The following GPHN variants were observed in gnomAD, a reference collection of about 807,000 sequenced individuals.
The protein encoded by GPHN is gephyrin.
In GPHN, 17 loss-of-function variants were observed where a neutral mutation model predicts 95.5. That is an observed-to-expected ratio of 0.18 (90% CI 0.12 to 0.27). GPHN has a LOEUF of 0.27. GPHN is among the 10% of genes least tolerant of loss of function. The pLI is 1.00. For synonymous variants in GPHN, 320 were observed against 322.5 expected (o/e 0.99, Z 0.08); for missense variants, 660 against 978.1 (o/e 0.67, Z 4.34).
chr14:67,170,478 G>A (rs1232636899), intron 21 of GPHN, among the ~76,000 whole-genome samples: 1 of 152,012 alleles, frequency 6.6e-6, no homozygotes, highest in Admixed American at 6.6e-5. Context: ...GAGAAAGAAG[G>A]CTTCCCTTTG....
chr14:67,545,309 TG>T, the GPHN span, among the ~76,000 whole-genome samples: 1 of 152,292 alleles, frequency 6.6e-6, no homozygotes, highest in South Asian at 2.1e-4. Context: ...CAAACAGAAA[TG>T]TAGTCTTTAT....
chr14:67,647,758 A>G, the GPHN span: 2 of 314,770 alleles, frequency 6.4e-6, no homozygotes, highest in South Asian at 6.2e-5. Context: ...AGTTATTAGT[A>G]TAAGAGGTTC....
the GPHN span, chr14:67,360,478 T>C: frequency 2.8e-6 from 1 of 354,440 alleles, no homozygotes; most frequent in Non-Finnish European, 5.0e-6. Context: ...CAAGCTCGGT[T>C]TCTCCAGGAA....
At chr14:67,645,172 G>C in the GPHN span, among the ~76,000 whole-genome samples, 1 of 151,616 alleles carries the variant, frequency 6.6e-6, no homozygotes, top group African/African-American at 2.4e-5. Flanking sequence ...CATTTACCTA[G>C]ATTTCTTTTT....
At chr14:67,372,215 C>G in the GPHN span, among the ~76,000 whole-genome samples, 1 of 152,102 alleles carries the variant, frequency 6.6e-6, no homozygotes, top group Non-Finnish European at 1.5e-5. Flanking sequence ...AAAAAATTAT[C>G]TTTTTAACAA....
the GPHN span, among the ~76,000 whole-genome samples, chr14:67,412,400 G>C: frequency 2.0e-5 from 3 of 152,196 alleles, no homozygotes; most frequent in Non-Finnish European, 4.4e-5. Context: ...GTGCTTCCCG[G>C]GCACTTAGCG....
At chr14:66,991,978 T>G (rs2071458760) in intron 9 of GPHN, among the ~76,000 whole-genome samples, 1 of 152,022 alleles carries the variant, frequency 6.6e-6, no homozygotes, top group Non-Finnish European at 1.5e-5. Flanking sequence ...AGAATTTGAT[T>G]AGTTGACGAG....
At chr14:67,212,171 A>G in the GPHN span, among the ~76,000 whole-genome samples, 4 of 152,348 alleles carry the variant, frequency 2.6e-5, no homozygotes, top group Non-Finnish European at 4.4e-5. Flanking sequence ...GGTTCTGAGA[A>G]GCATAGTGAT....
At chr14:67,546,216 G>A in the GPHN span, among the ~76,000 whole-genome samples, 4 of 152,284 alleles carry the variant, frequency 2.6e-5, no homozygotes, top group African/African-American at 9.6e-5. Flanking sequence ...GGTAAAATTG[G>A]AGAGAATTAT....
At chr14:67,394,565 TAGG>T in the GPHN span, among the ~76,000 whole-genome samples, 2 of 151,910 alleles carry the variant, frequency 1.3e-5, no homozygotes, top group Non-Finnish European at 2.9e-5. Flanking sequence ...CCTAGACCCA[TAGG>T]AGGTGTACAG....
the GPHN span, among the ~76,000 whole-genome samples, chr14:67,352,368 G>C: frequency 6.6e-6 from 1 of 151,628 alleles, no homozygotes; most frequent in Non-Finnish European, 1.5e-5. Context: ...CTACTCGAGA[G>C]GCTGAGGTGG....
intron 1 of GPHN, among the ~76,000 whole-genome samples, chr14:66,533,743 C>T (rs868685756): frequency 7.2e-5 from 11 of 152,298 alleles, no homozygotes; most frequent in Non-Finnish European, 1.2e-4. Flanking sequence ...TGGCAGCATG[C>T]AGTTGTCTGA....
the GPHN span, chr14:67,589,277 C>CTT: frequency 9.6e-3 from 8,544 of 888,120 alleles, 44 homozygotes; most frequent in Non-Finnish European, 0.011. Flanking sequence ...GTTTATTAAT[C>CTT]TTATACAGAA....
chr14:67,071,757 A>G (rs1470931239), intron 11 of GPHN, among the ~76,000 whole-genome samples: 2 of 152,042 alleles, frequency 1.3e-5, no homozygotes, highest in Non-Finnish European at 2.9e-5. Flanking sequence ...ATACCATTAT[A>G]TATGTTCCTA....
the GPHN span, among the ~76,000 whole-genome samples, chr14:67,347,085 G>A: frequency 1.3e-5 from 2 of 152,092 alleles, no homozygotes; most frequent in Admixed American, 1.3e-4. Context: ...CCCAGCTCAA[G>A]CAATCCTCCC....
chr14:67,006,889 T>C (rs1253301399), intron 9 of GPHN, among the ~76,000 whole-genome samples: 1 of 152,194 alleles, frequency 6.6e-6, no homozygotes, highest in East Asian at 1.9e-4. Context: ...TGAAATACTT[T>C]TGGTCAAATT....
chr14:67,712,577 C>T, the GPHN span, among the ~76,000 whole-genome samples: 3 of 133,130 alleles, frequency 2.3e-5, no homozygotes, highest in Non-Finnish European at 4.9e-5. Context: ...TAAATACAAA[C>T]ACACCTTGGA....
At chr14:67,430,790 T>C in the GPHN span, among the ~76,000 whole-genome samples, 1 of 152,114 alleles carries the variant, frequency 6.6e-6, no homozygotes, top group Admixed American at 6.5e-5. Context: ...GAGCTCCTCA[T>C]TAAGTGGACC....
At chr14:67,726,058 G>A in the GPHN span, 2 of 1,613,090 alleles carry the variant, frequency 1.2e-6, no homozygotes, top group Non-Finnish European at 1.7e-6. Context: ...TAGAGGAAAA[G>A]CAGCTCCATA....
Sources: gnomAD v4.1 joint callset for allele counts (sites outside exome capture counted in the v4.1 genomes callset) on GRCh38, gnomAD v4.1.1 for gene constraint, MANE v1.5 for transcripts, NCBI Gene and HGNC (gene_info 2026-07-23, HGNC 2026-07-21) for gene names.